CDH13: variants seen among roughly 807,000 people sequenced by gnomAD.
CDH13 encodes cadherin-13.
CDH13 carries 24 observed loss-of-function variants against 63.8 expected under a neutral mutation model. The ratio of observed to expected loss-of-function variants is 0.38; its 90% CI spans 0.27 to 0.53. CDH13 has a LOEUF of 0.53. Among genes scored for constraint, CDH13 ranks in the 20% least tolerant of loss-of-function variants. CDH13 has a pLI of 0.85. For synonymous variants in CDH13, 503 were observed against 355.3 expected (o/e 1.42, Z -4.67); for missense variants, 1,049 against 903.1 (o/e 1.16, Z -2.07).
chr16:83,438,448 C>T (rs1178580093), intron 6 of CDH13, among the ~76,000 whole-genome samples: 1 of 152,204 alleles, frequency 6.6e-6, no homozygotes, highest in Admixed American at 6.5e-5. Context: ...CAGACAATAG[C>T]ACCTAGGGCA....
intron 1 of CDH13, among the ~76,000 whole-genome samples, chr16:82,684,593 G>A (rs745659575): frequency 1.3e-5 from 2 of 152,044 alleles, no homozygotes; most frequent in Non-Finnish European, 2.9e-5. Context: ...CTTAATGTAT[G>A]AGGACTGTTT....
chr16:82,807,389 G>A (rs986522417), intron 1 of CDH13, among the ~76,000 whole-genome samples: 3 of 152,092 alleles, frequency 2.0e-5, no homozygotes, highest in Non-Finnish European at 4.4e-5. Flanking sequence ...CAGTTTGGGC[G>A]GCCTAATTGA....
At chr16:82,999,688 T>C (rs952743478) in intron 2 of CDH13, among the ~76,000 whole-genome samples, 1 of 152,182 alleles carries the variant, frequency 6.6e-6, no homozygotes, top group Non-Finnish European at 1.5e-5. Flanking sequence ...ATTAAACAAA[T>C]GACATGTTTA....
At chr16:83,372,467 G>C (rs2091385402) in intron 6 of CDH13, among the ~76,000 whole-genome samples, 2 of 152,060 alleles carry the variant, frequency 1.3e-5, no homozygotes, top group African/African-American at 4.8e-5. Flanking sequence ...TATTCTTAGA[G>C]AAAGGGTCGG....
At chr16:82,926,870 C>T (rs1285521499) in intron 2 of CDH13, among the ~76,000 whole-genome samples, 13 of 152,038 alleles carry the variant, frequency 8.6e-5, no homozygotes, top group South Asian at 2.1e-4. Flanking sequence ...TTCCAGTGTC[C>T]GGTTATAATT....
intron 2 of CDH13, among the ~76,000 whole-genome samples, chr16:82,946,225 G>A (rs8050580): frequency 0.11 from 17,378 of 151,590 alleles, 1,150 homozygotes; most frequent in African/African-American, 0.14. Flanking sequence ...GATGAATGGA[G>A]GGAGGGAGGG....
chr16:83,511,626 C>G (rs193238376), intron 7 of CDH13, among the ~76,000 whole-genome samples: 201 of 152,192 alleles, frequency 1.3e-3, no homozygotes, highest in African/African-American at 4.7e-3. Flanking sequence ...TTATGCTTGT[C>G]TCACTAAAAA....
rs138982091 is a variant in CDH13 at position 83,685,300 on chromosome 16, T to C, written c.1538+6839T>C. Among the ~76,000 whole-genome samples the C allele has an allele frequency of 6.0e-3, 913 of 152,326 alleles. 8 individuals are homozygous for C. The highest frequency in any genetic ancestry group is 5.7e-3 in the Non-Finnish European group (387 of 68,024). ...GGAAGAATGGATAGTGTAAGGTAGA[T>C]GGCACTTTCTGCCATGAATGCCTTT... On this transcript the variant is annotated intron_variant, in intron 10 of 13. Coordinates refer to ENST00000567109, the MANE Select transcript of CDH13 (RefSeq NM_001257.5).
At chr16:83,249,987 C>T (rs1216763390) in intron 5 of CDH13, among the ~76,000 whole-genome samples, 1 of 152,152 alleles carries the variant, frequency 6.6e-6, no homozygotes, top group Non-Finnish European at 1.5e-5. Flanking sequence ...TGGTAACCAA[C>T]CAAGTAGTTG....
intron 1 of CDH13, among the ~76,000 whole-genome samples, chr16:82,734,913 T>C (rs2033592897): frequency 6.6e-6 from 1 of 152,232 alleles, no homozygotes; most frequent in South Asian, 2.1e-4. Context: ...GGGTCCTGCA[T>C]TGAAGTAGGA....
At chr16:83,598,716 C>T (rs1907500363) in intron 7 of CDH13, among the ~76,000 whole-genome samples, 1 of 152,260 alleles carries the variant, frequency 6.6e-6, no homozygotes, top group East Asian at 1.9e-4. Context: ...GATGACAACT[C>T]ATCCTTGAAT....
intron 1 of CDH13, among the ~76,000 whole-genome samples, chr16:82,729,962 C>A (rs1056939295): frequency 6.6e-6 from 1 of 152,168 alleles, no homozygotes; most frequent in Admixed American, 6.6e-5. Context: ...ACTCTGCTAG[C>A]TTTCAACCTT....
chr16:82,888,192 C>A (rs2040957641), intron 2 of CDH13, among the ~76,000 whole-genome samples: 1 of 152,202 alleles, frequency 6.6e-6, no homozygotes, highest in African/African-American at 2.4e-5. Flanking sequence ...CGATTTGTAT[C>A]CTCTATGACC....
intron 2 of CDH13, among the ~76,000 whole-genome samples, chr16:82,973,553 C>T (rs571477558): frequency 6.6e-4 from 100 of 152,286 alleles, no homozygotes; most frequent in African/African-American, 1.9e-3. Context: ...ACTTTCAAGG[C>T]GCTCACGGTA....
intron 6 of CDH13, among the ~76,000 whole-genome samples, chr16:83,438,267 A>G (rs755464286): frequency 6.6e-6 from 1 of 152,148 alleles, no homozygotes; most frequent in Non-Finnish European, 1.5e-5. Context: ...CATCACCCCA[A>G]CTGCAGGAAT....
At chr16:82,838,045 A>G (rs2038844112) in intron 1 of CDH13, among the ~76,000 whole-genome samples, 1 of 152,174 alleles carries the variant, frequency 6.6e-6, no homozygotes, top group Non-Finnish European at 1.5e-5. Flanking sequence ...CCTGTTAACC[A>G]ACCTGACATT....
At chr16:83,556,266 A>T (rs1445853350) in intron 7 of CDH13, among the ~76,000 whole-genome samples, 2 of 152,236 alleles carry the variant, frequency 1.3e-5, no homozygotes, top group African/African-American at 4.8e-5. Context: ...TAAGTAAGCC[A>T]GCCCTAAAAA....
At chr16:83,441,379 C>T (rs2072475503) in intron 6 of CDH13, among the ~76,000 whole-genome samples, 1 of 152,214 alleles carries the variant, frequency 6.6e-6, no homozygotes, top group African/African-American at 2.4e-5. Flanking sequence ...TCTAGAACAT[C>T]AGCTTAATCT....
intron 2 of CDH13, among the ~76,000 whole-genome samples, chr16:82,917,027 C>A (rs2042010338): frequency 6.6e-6 from 1 of 152,210 alleles, no homozygotes; most frequent in Non-Finnish European, 1.5e-5. Flanking sequence ...CGTTGACAAA[C>A]ATAAGGAGGC....
Sources: allele counts gnomAD v4.1 joint callset (sites outside exome capture counted in the v4.1 genomes callset), GRCh38; gene constraint gnomAD v4.1.1; transcripts MANE v1.5; gene names NCBI Gene and HGNC (gene_info 2026-07-23, HGNC 2026-07-21).